CCDC66: variants seen among roughly 807,000 people sequenced by gnomAD.
CCDC66 encodes the protein coiled-coil domain containing 66, also known as coiled-coil domain-containing protein 66.
A neutral mutation model predicts 128.3 loss-of-function variants in CCDC66; 133 were observed. The ratio of observed to expected loss-of-function variants is 1.04; its 90% CI spans 0.90 to 1.20. CCDC66 has a LOEUF of 1.20. Among genes scored for constraint, CCDC66 ranks in the 50% most tolerant of loss-of-function variants. The pLI, the probability that CCDC66 is intolerant of heterozygous loss-of-function variation, is 0.00. For missense variants in CCDC66, 1,126 were observed against 1,075.5 expected, an observed-to-expected ratio of 1.05 and a Z score of -0.66; for synonymous variants, 387 against 357.0, an observed-to-expected ratio of 1.08 and a Z score of -0.95.
chr3:56,582,448 A>T (rs1469046192), intron 7 of CCDC66, among the ~76,000 whole-genome samples: 1 of 151,824 alleles, frequency 6.6e-6, no homozygotes, highest in Non-Finnish European at 1.5e-5. Context: ...CTCAGTTGGA[A>T]ATGCAGAAAT....
rs75834225 is a variant in CCDC66 at position 56,621,535 on chromosome 3, C to A, written c.2764C>A (p.Leu922Ile). The part of the protein sequence containing the change: ...LKGLSELRQG[L>I]LQKQKELESS... ...ACATATATCAATGTGATTTCAGGGC[C>A]TTCTCCAGAAGCAAAAGGAGTTGGA... The change falls in exon 18 of 18, where the codon CTT becomes ATT. Residue 922 changes from leucine to isoleucine, a missense_variant. Physicochemically the swap from Leu to Ile is conservative, Grantham distance 5 (BLOSUM62 2). Transcript: ENST00000394672. The A allele has an allele frequency of 1.3e-6, 2 of 1,586,480 alleles. No individual in the cohort carries two copies. Among genetic ancestry groups the A allele is most frequent in the Admixed American group, 1.8e-5 (1 of 55,046 alleles).
intron 11 of CCDC66, among the ~76,000 whole-genome samples, chr3:56,614,230 T>C (rs945136443): frequency 6.6e-6 from 1 of 152,226 alleles, no homozygotes; most frequent in African/African-American, 2.4e-5. Flanking sequence ...GATATAGTTC[T>C]CAAATGTTAT....
At chr3:56,595,364 A>C in intron 10 of CCDC66, among the ~76,000 whole-genome samples, 1 of 152,110 alleles carries the variant, frequency 6.6e-6, no homozygotes, top group East Asian at 1.9e-4. Flanking sequence ...ATATGTTTGT[A>C]CCCATTAACC....
intron 10 of CCDC66, among the ~76,000 whole-genome samples, chr3:56,595,541 G>A (rs79521104): frequency 3.3e-5 from 5 of 152,080 alleles, no homozygotes; most frequent in African/African-American, 7.2e-5. Context: ...ACATAATGAC[G>A]TCCAGTCCCA....
At chr3:56,621,186 A>C (rs34284682) in intron 17 of CCDC66, 7,099 of 161,276 alleles carry the variant, frequency 0.044, 190 homozygotes, top group South Asian at 0.071. Context: ...ACAACAACAA[A>C]AAAAAAACAC....
chr3:56,600,071 G>A (rs905139729), intron 10 of CCDC66, among the ~76,000 whole-genome samples: 2 of 151,476 alleles, frequency 1.3e-5, no homozygotes, highest in East Asian at 1.9e-4. Flanking sequence ...TTTCTTTATC[G>A]AGTCTATCAT....
chr3:56,584,939 A>C (rs2069351966), intron 7 of CCDC66, among the ~76,000 whole-genome samples: 1 of 151,894 alleles, frequency 6.6e-6, no homozygotes, highest in Admixed American at 6.6e-5. Context: ...AAAAAATATG[A>C]AAACCAGTCA....
chr3:56,581,468 TC>T, intron 7 of CCDC66, among the ~76,000 whole-genome samples: 1 of 152,024 alleles, frequency 6.6e-6, no homozygotes, highest in Non-Finnish European at 1.5e-5. Context: ...GGAGCTATGT[TC>T]CTTTGGAGGA....
chr3:56,615,530 C>T (rs1435444036), intron 12 of CCDC66: 2 of 386,502 alleles, frequency 5.2e-6, no homozygotes, highest in Non-Finnish European at 9.2e-6. Flanking sequence ...TGAGTCACTG[C>T]ACCCAGCCTA....
chr3:56,567,011 A>G lies in CCDC66; in HGVS notation c.772A>G (p.Ser258Gly), dbSNP rs750575239. 1 of 1,614,208 alleles carries G rather than the reference A, an allele frequency of 6.2e-7. No individual in the cohort carries two copies. The highest frequency in any genetic ancestry group is 8.5e-7 in the Non-Finnish European group (1 of 1,180,022). ...STLGERECDRSSLEAKKAQWR... is the reference protein window; with the variant it reads ...STLGERECDRGSLEAKKAQWR... ...TCTGGGGGAAAGGGAATGTGATAGA[A>G]GTTCGTTGGAAGCAAAAAAAGCCCA... The change falls in exon 6 of 18, where the codon AGT (serine) becomes GGT (glycine). Residue 258 changes from serine to glycine, a missense_variant. Physicochemically the swap from Ser to Gly is moderately conservative, Grantham distance 56. Coordinates refer to ENST00000394672, the MANE Select transcript of CCDC66 (RefSeq NM_001141947.3).
At chr3:56,558,031 A>G (rs1308037497) in intron 1 of CCDC66, 3 of 152,268 alleles carry the variant, frequency 2.0e-5, no homozygotes, top group Non-Finnish European at 4.4e-5. Flanking sequence ...TCATAACCCT[A>G]CAATAAGGAA....
intron 7 of CCDC66, among the ~76,000 whole-genome samples, chr3:56,576,154 A>G (rs2067332316): frequency 6.6e-6 from 1 of 151,668 alleles, no homozygotes; most frequent in Non-Finnish European, 1.5e-5. Context: ...AAGTCTTCCA[A>G]TTAATGAATG....
intron 12 of CCDC66, 196 bp from the exon 13 acceptor site, chr3:56,615,726 A>G (rs1488352965): frequency 3.9e-5 from 16 of 408,192 alleles, no homozygotes; most frequent in South Asian, 3.2e-4. Flanking sequence ...TTTTGTGTCT[A>G]TTTTTACCGA....
At chr3:56,599,832 T>G (rs1445491807) in intron 10 of CCDC66, among the ~76,000 whole-genome samples, 1 of 152,118 alleles carries the variant, frequency 6.6e-6, no homozygotes, top group Non-Finnish European at 1.5e-5. Context: ...ATCCTTATGC[T>G]AATGAAAAGA....
chr3:56,592,186 G>C (rs1307670018), intron 7 of CCDC66, among the ~76,000 whole-genome samples: 1 of 152,148 alleles, frequency 6.6e-6, no homozygotes, highest in Non-Finnish European at 1.5e-5. Context: ...GGTTCTCCTA[G>C]AGAGAGACAT....
Position 56,606,221 on chromosome 3 carries a change from G to C in CCDC66, c.1405-7368G>C, listed in dbSNP as rs533554702. Among the ~76,000 whole-genome samples the C allele has an allele frequency of 4.6e-5, 7 of 152,152 alleles. No homozygotes were observed. The East Asian group carries it at 5.8e-4, about 13-fold the overall frequency. ...AGCTTGCTGAGCTCCCTGGGGATAG[G>C]ACCCTCCGAGCCTGACTACTTGCAA... On this transcript the variant is annotated intron_variant, in intron 10 of 17. Transcript: ENST00000394672.
At chr3:56,605,614 A>T (rs1254063490) in intron 10 of CCDC66, among the ~76,000 whole-genome samples, 2 of 152,008 alleles carry the variant, frequency 1.3e-5, no homozygotes, top group African/African-American at 4.8e-5. Flanking sequence ...CAGAACAGCA[A>T]AGATTGCTGC....
chr3:56,589,265 T>C (rs1359787383), intron 7 of CCDC66, among the ~76,000 whole-genome samples: 2 of 152,172 alleles, frequency 1.3e-5, no homozygotes, highest in Non-Finnish European at 2.9e-5. Context: ...TAAATCAGAA[T>C]GGTACTATCT....
Position 56,616,408 on chromosome 3 carries a change from A to C in CCDC66, c.1843+355A>C, listed in dbSNP as rs142066291. 502 of 238,534 alleles carry C rather than the reference A, an allele frequency of 2.1e-3. 2 individuals are homozygous for C. The highest frequency in any genetic ancestry group is 0.011 in the African/African-American group (457 of 42,140). The allele number at this position is 238,534 out of a possible 1,614,324, so 14.8% of individuals were successfully genotyped here. ...TTGCCTGTTGTGGACATTTCACGTAACTGGAATTAGACCACATAACGGTCT... is the reference window on the plus strand; with the variant it reads ...TTGCCTGTTGTGGACATTTCACGTACCTGGAATTAGACCACATAACGGTCT... On this transcript the variant is annotated intron_variant, in intron 13 of 17. Transcript: ENST00000394672.
Sources: allele counts gnomAD v4.1 joint callset (sites outside exome capture counted in the v4.1 genomes callset), GRCh38; gene constraint gnomAD v4.1.1; transcripts MANE v1.5; gene names NCBI Gene and HGNC (gene_info 2026-07-23, HGNC 2026-07-21).